The following CTDSP2 variants were observed in gnomAD, a reference collection of about 807,000 sequenced individuals.
CTDSP2 encodes CTD small phosphatase 2.
In CTDSP2, 9 loss-of-function variants were observed where a neutral mutation model predicts 31.6. The observed-to-expected ratio is 0.28, with a 90% CI of 0.17 to 0.50. The LOEUF is 0.50. Ranked by LOEUF, CTDSP2 falls within the 20% of genes least tolerant of loss-of-function variation. The pLI is 0.98. For missense variants in CTDSP2, 267 were observed against 348.5 expected (o/e 0.77, Z 1.86); for synonymous variants, 134 against 134.5 (o/e 1.00, Z 0.03).
At position 57,826,657 on chromosome 12, in the gene CTDSP2, C is replaced by T. The variant is rs150121691; in HGVS notation, c.355-255G>A. On this transcript the variant is annotated intron_variant, in intron 4 of 7. Transcript: ENST00000398073. ...GGCCTGAGTTTCCTGAGGAGACAAG[C>T]AGGGGCAAGGGCCAAAGGTGATCCA... Among the ~76,000 whole-genome samples the T allele has an allele frequency of 2.8e-3, 421 of 152,328 alleles. 1 individual carries two copies. Among genetic ancestry groups the T allele is most frequent in the Non-Finnish European group, 4.2e-3 (288 of 68,028 alleles).
chr12:57,829,741 A>G (rs1956203958), intron 1 of CTDSP2, 145 bp from the exon 2 acceptor site: 2 of 605,088 alleles, frequency 3.3e-6, no homozygotes, highest in Admixed American at 2.9e-5. Flanking sequence ...TACAGTTAAC[A>G]GTCAAACATA....
intron 1 of CTDSP2, among the ~76,000 whole-genome samples, chr12:57,843,891 A>T (rs1565850125): frequency 6.6e-6 from 1 of 152,156 alleles, no homozygotes; most frequent in Non-Finnish European, 1.5e-5. Flanking sequence ...TCTTCTCTGG[A>T]ATGCAATCAA....
At position 57,846,495 on chromosome 12, in the gene CTDSP2, GCTGGGCTGGGGGGC is replaced by G; in HGVS notation, c.-74_-61del. ...GAGGACGGGCGGGCGCGCGGGCTGGGCTGGGCTGGGGGGCCTGGGCGGGGGCCCGCTCCGGCTCC... is the reference window on the plus strand; with the variant it reads ...GAGGACGGGCGGGCGCGCGGGCTGGGCTGGGCGGGGGCCCGCTCCGGCTCC... On this transcript the variant is annotated 5_prime_UTR_variant, in exon 1 of 8. Coordinates refer to ENST00000398073, the MANE Select transcript of CTDSP2 (RefSeq NM_005730.4). 2 of 1,464,630 alleles carry G rather than the reference GCTGGGCTGGGGGGC, an allele frequency of 1.4e-6. No homozygotes were observed. The highest frequency in any genetic ancestry group is 1.8e-6 in the Non-Finnish European group (2 of 1,090,002). 90.7% of individuals were successfully genotyped at this position (1,464,630 alleles called of 1,614,324 possible). A position where few individuals can be genotyped will look rare whatever the true frequency, so the allele number is the denominator to read the frequency against.
chr12:57,829,439 C>T lies in CTDSP2; in HGVS notation c.213+9G>A, dbSNP rs1466332422. The T allele has an allele frequency of 6.2e-7, 1 of 1,612,044 alleles. No homozygotes were observed. Among genetic ancestry groups the T allele is most frequent in the African/African-American group, 1.3e-5 (1 of 74,906 alleles). ...CATTGCTGGCATCTTACCACCCCAACCCACCTACCTTAGCAATGGTGTTTG... is the reference window on the plus strand; with the variant it reads ...CATTGCTGGCATCTTACCACCCCAATCCACCTACCTTAGCAATGGTGTTTG... On this transcript the variant is annotated intron_variant, in intron 2 of 7. Coordinates refer to ENST00000398073, the MANE Select transcript of CTDSP2 (RefSeq NM_005730.4).
chr12:57,830,031 G>A (rs1956205388), intron 1 of CTDSP2, among the ~76,000 whole-genome samples: 1 of 152,192 alleles, frequency 6.6e-6, no homozygotes, highest in African/African-American at 2.4e-5. Flanking sequence ...GTTCTGTTTA[G>A]CATCAGCTTC....
At chr12:57,836,642 TA>T (rs570328413) in intron 1 of CTDSP2, among the ~76,000 whole-genome samples, 41 of 146,474 alleles carry the variant, frequency 2.8e-4, no homozygotes, top group Admixed American at 5.5e-4. Flanking sequence ...ATTTTGTCTT[TA>T]AAAAAAAAAA....
intron 4 of CTDSP2, 47 bp from the exon 5 acceptor site, chr12:57,826,449 A>G (rs764306328): frequency 6.3e-7 from 1 of 1,581,216 alleles, no homozygotes; most frequent in Non-Finnish European, 8.7e-7. Context: ...GCAAAGAAAC[A>G]TGAGGCCCCC....
rs955154675 is a variant in CTDSP2 at position 57,821,722 on chromosome 12, T to C, written c.*1880A>G. On this transcript the variant is annotated 3_prime_UTR_variant, in exon 8 of 8. Coordinates refer to ENST00000398073, the MANE Select transcript of CTDSP2 (RefSeq NM_005730.4). ...CTAGCACATGGGGTCCTTCTCCCTTTAGGTACACCGGGACCCCATAGGCAC... is the reference window on the plus strand; with the variant it reads ...CTAGCACATGGGGTCCTTCTCCCTTCAGGTACACCGGGACCCCATAGGCAC... 11 of 152,218 alleles carry C rather than the reference T, an allele frequency of 7.2e-5. No homozygotes were observed. The highest frequency in any genetic ancestry group is 1.2e-4 in the Non-Finnish European group (8 of 68,046). The allele number at this position is 152,218 out of a possible 1,614,324, so 9.4% of individuals were successfully genotyped here.
rs1956203081 is a variant in CTDSP2, at chr12:57,829,593, A to G, written c.68T>C (p.Leu23Pro). Residue 23 changes from leucine (L) to proline (P), a missense_variant, in exon 2 of 8, where the codon CTG (leucine) becomes CCG (proline). By Grantham distance (98) the Leu-to-Pro change is moderately conservative. This residue lies in a region of CTDSP2 where 111 missense variants were observed against 107.1 expected (regional missense o/e 1.04). Transcript: ENST00000398073. ...CTTCTTAGGAGAGGACTTGGAGACCAGGCCTAGGGTGGAGAGAATGACAGA... is the reference window on the plus strand; with the variant it reads ...CTTCTTAGGAGAGGACTTGGAGACCGGGCCTAGGGTGGAGAGAATGACAGA... ...EDALVLTKQG[L>P]VSKSSPKKPR... The G allele has an allele frequency of 6.2e-7, 1 of 1,613,778 alleles. No homozygotes were observed. The highest frequency in any genetic ancestry group is 1.7e-5 in the Admixed American group (1 of 60,000).
chr12:57,844,845 G>A (rs1956304253), intron 1 of CTDSP2, among the ~76,000 whole-genome samples: 1 of 152,098 alleles, frequency 6.6e-6, no homozygotes, highest in Admixed American at 6.5e-5. Flanking sequence ...CCCTTCTCAG[G>A]GCAGGCTTAT....
chr12:57,839,525 T>C (rs929400356), intron 1 of CTDSP2, among the ~76,000 whole-genome samples: 3 of 152,132 alleles, frequency 2.0e-5, no homozygotes, highest in Non-Finnish European at 4.4e-5. Flanking sequence ...AAGACCATCC[T>C]GGCTAACACA....
At position 57,830,424 on chromosome 12, in the gene CTDSP2, A is replaced by C. The variant is rs372990834; in HGVS notation, c.65-828T>G. On this transcript the variant is annotated intron_variant, in intron 1 of 7. Transcript: ENST00000398073. ...AAAAACAAACAAACAAACAAAACCA[A>C]CAACAACAACAACAACAACAAAAAA... is the stretch of plus-strand genomic sequence containing the variant. Among the ~76,000 whole-genome samples the C allele has an allele frequency of 9.7e-4, 147 of 151,322 alleles. 1 individual carries two copies. The highest frequency in any genetic ancestry group is 2.6e-3 in the African/African-American group (108 of 41,164).
chr12:57,823,485 C>T lies in CTDSP2; in HGVS notation c.*117G>A, dbSNP rs1007958635. ...CCTAAAGCTCTTTCCAGTTACTTCC[C>T]GCTGTTTCCGGGCCGTGTGGTGAGG... On this transcript the variant is annotated 3_prime_UTR_variant, in exon 8 of 8. Transcript: ENST00000398073. 1.6e-4 allele frequency: 193 copies of T among 1,227,562 alleles called. No individual in the cohort carries two copies. The highest frequency in any genetic ancestry group is 2.3e-4 in the East Asian group (9 of 39,486). 76.0% of individuals were successfully genotyped at this position (1,227,562 alleles called of 1,614,324 possible). A position where few individuals can be genotyped will look rare whatever the true frequency, so the allele number is the denominator to read the frequency against.
chr12:57,846,057 G>T (rs1956313626), intron 1 of CTDSP2, among the ~76,000 whole-genome samples: 1 of 152,186 alleles, frequency 6.6e-6, no homozygotes, highest in Admixed American at 6.5e-5. Flanking sequence ...CCCAACTCCG[G>T]AGGCGGTGGA....
In CTDSP2 at chr12:57,846,364, G is replaced by A. The variant is rs755600856; in HGVS notation, c.64+8C>T. 3.1e-6 allele frequency: 5 copies of A among 1,605,046 alleles called. No individual in the cohort carries two copies. The Admixed American group carries it at 6.8e-5, about 22-fold the overall frequency. On this transcript the variant is annotated splice_region_variant and intron_variant, in intron 1 of 7. Coordinates refer to ENST00000398073, the MANE Select transcript of CTDSP2 (RefSeq NM_005730.4). Reference sequence around the variant, plus strand: ...CGACGCAAAGTTTTGGGAAGTTGCTGCCCCTACCTTGCTTGGTGAGCACCA... The same window carrying A: ...CGACGCAAAGTTTTGGGAAGTTGCTACCCCTACCTTGCTTGGTGAGCACCA...
chr12:57,839,447 G>A (rs10877027), intron 1 of CTDSP2, among the ~76,000 whole-genome samples: 3,352 of 152,314 alleles, frequency 0.022, 277 homozygotes, highest in East Asian at 0.15. Context: ...GGCCGGGCAC[G>A]GTGGCTCAAG....
chr12:57,837,854 G>A (rs1307379992), intron 1 of CTDSP2, among the ~76,000 whole-genome samples: 1 of 152,148 alleles, frequency 6.6e-6, no homozygotes, highest in Non-Finnish European at 1.5e-5. Context: ...CCCTGGGCAG[G>A]AGAGCTCCCT....
rs767635273 is a variant in CTDSP2, at chr12:57,829,524, C to A, written c.137G>T (p.Arg46Leu). ...NIFKALFCCF[R>L]AQHVGQSSSS... is the part of the protein sequence containing the mutation. ...ACTTGACTGGCCAACATGCTGGGCG[C>A]GAAAACAGCAGAAAAGGGCCTTGAA... Residue 46 changes from arginine to leucine, a missense_variant, in exon 2 of 8, where the codon CGC becomes CTC. Physicochemically the swap from Arg to Leu is moderately radical, Grantham distance 102 (BLOSUM62 -2). Transcript: ENST00000398073. The A allele has an allele frequency of 6.2e-7, 1 of 1,614,054 alleles. No individual in the cohort carries two copies. The highest frequency in any genetic ancestry group is 8.5e-7 in the Non-Finnish European group (1 of 1,180,010).
In CTDSP2 at chr12:57,827,548, G is replaced by T. The variant is rs763837377; in HGVS notation, c.252+4C>A. 1 of 1,613,938 alleles carries T rather than the reference G, an allele frequency of 6.2e-7. No individual in the cohort carries two copies. The highest frequency in any genetic ancestry group is 8.5e-7 in the Non-Finnish European group (1 of 1,179,882). The stretch of plus-strand genomic sequence containing the variant: ...TGAGTACTTACCAGGCCAGAGTCAC[G>T]TACCTGGTAGAACTGGTACTGGAGA... On this transcript the variant is annotated splice_donor_region_variant and intron_variant, in intron 3 of 7. Transcript: ENST00000398073.
Sources: allele counts gnomAD v4.1 joint callset (sites outside exome capture counted in the v4.1 genomes callset), GRCh38; gene constraint gnomAD v4.1.1; regional missense constraint gnomAD v4.1.1; transcripts MANE v1.5; gene names NCBI Gene and HGNC (gene_info 2026-07-23, HGNC 2026-07-21).